CNTN4: variants seen among roughly 807,000 people sequenced by gnomAD.
CNTN4 encodes the protein contactin 4, also known as contactin-4.
In CNTN4, 77 loss-of-function variants were observed where a neutral mutation model predicts 122.5. The observed-to-expected ratio is 0.63, with a 90% CI of 0.52 to 0.76. CNTN4 has a LOEUF of 0.76. Ranked by LOEUF, CNTN4 falls within the 30% of genes least tolerant of loss-of-function variation. The pLI is 0.00. For synonymous variants in CNTN4, 512 were observed against 447.0 expected (o/e 1.15, Z -1.83); for missense variants, 1,256 against 1,259.1 (o/e 1.00, Z 0.04).
chr3:2,679,144 CCTAT>C (rs1188239919), intron 4 of CNTN4, among the ~76,000 whole-genome samples: 3 of 152,052 alleles, frequency 2.0e-5, no homozygotes, highest in Admixed American at 2.0e-4. Context: ...CTTTTTCCTG[CCTAT>C]CTGTCAAATG....
chr3:2,135,056 CAGT>C (rs1432988249), intron 2 of CNTN4, among the ~76,000 whole-genome samples: 1 of 152,104 alleles, frequency 6.6e-6, no homozygotes, highest in East Asian at 1.9e-4. Context: ...CCCAAAATGT[CAGT>C]AGTATCAAGG....
At chr3:2,233,407 G>T (rs1215382852) in intron 2 of CNTN4, among the ~76,000 whole-genome samples, 2 of 152,038 alleles carry the variant, frequency 1.3e-5, no homozygotes, top group Admixed American at 1.3e-4. Context: ...GCCTGTTTTT[G>T]TTTTTCGCAG....
chr3:2,209,394 A>G, intron 2 of CNTN4, among the ~76,000 whole-genome samples: 1 of 152,212 alleles, frequency 6.6e-6, no homozygotes, highest in East Asian at 1.9e-4. Context: ...CTGATCAAGT[A>G]GCTATCCTCT....
intron 2 of CNTN4, among the ~76,000 whole-genome samples, chr3:2,268,023 G>T (rs2041125029): frequency 6.6e-6 from 1 of 152,070 alleles, no homozygotes; most frequent in Non-Finnish European, 1.5e-5. Flanking sequence ...AATTGATCAT[G>T]GAATGGATGT....
At chr3:2,929,447 TACA>T (rs2094500766) in intron 13 of CNTN4, among the ~76,000 whole-genome samples, 3 of 152,188 alleles carry the variant, frequency 2.0e-5, no homozygotes, top group Non-Finnish European at 4.4e-5. Context: ...TAAGGAGCTA[TACA>T]ACAATTGTAT....
intron 5 of CNTN4, among the ~76,000 whole-genome samples, 164 bp downstream of exon 5, chr3:2,736,505 C>G (rs1446185387): frequency 6.6e-6 from 1 of 150,698 alleles, no homozygotes; most frequent in Non-Finnish European, 1.5e-5. Context: ...CTCTTGTTGC[C>G]CAGGCTGGAG....
rs113621716 is a variant in CNTN4 at position 2,860,426 on chromosome 3, G to A, written c.455-6326G>A. Among the ~76,000 whole-genome samples the A allele has an allele frequency of 1.3e-3, 200 of 152,250 alleles. 1 individual carries two copies. The highest frequency in any genetic ancestry group is 4.7e-3 in the African/African-American group (196 of 41,550). ...AAAATGAAAGCAGTGTCTGAACCCT[G>A]GATGGTCCTGCTCATTGCTTGGGAC... is the stretch of plus-strand genomic sequence containing the variant. On this transcript the variant is annotated intron_variant, in intron 7 of 24. Coordinates refer to ENST00000418658, the MANE Select transcript of CNTN4 (RefSeq NM_175607.3).
intron 12 of CNTN4, among the ~76,000 whole-genome samples, chr3:2,905,604 A>C (rs1480034500): frequency 6.6e-6 from 1 of 152,250 alleles, no homozygotes; most frequent in Non-Finnish European, 1.5e-5. Flanking sequence ...TTGGAGGGAC[A>C]CAAACATTCA....
chr3:2,375,794 A>C (rs1559498270), intron 3 of CNTN4, among the ~76,000 whole-genome samples: 1 of 152,130 alleles, frequency 6.6e-6, no homozygotes, highest in Non-Finnish European at 1.5e-5. Context: ...CATATGGTAA[A>C]AATCTAAGAA....
intron 13 of CNTN4, among the ~76,000 whole-genome samples, chr3:2,957,204 A>G (rs139934047): frequency 6.6e-6 from 1 of 152,226 alleles, no homozygotes; most frequent in Non-Finnish European, 1.5e-5. Flanking sequence ...TTTTTTTTTG[A>G]ACAACCGTAC....
intron 4 of CNTN4, among the ~76,000 whole-genome samples, chr3:2,688,483 A>G (rs1364521408): frequency 6.6e-6 from 1 of 152,238 alleles, no homozygotes; most frequent in Non-Finnish European, 1.5e-5. Context: ...ATACACACAA[A>G]CAGAAGTGTA....
At chr3:2,737,188 C>G (rs1477882787) in intron 5 of CNTN4, among the ~76,000 whole-genome samples, 3 of 152,120 alleles carry the variant, frequency 2.0e-5, no homozygotes, top group East Asian at 1.9e-4. Context: ...TAAAGGGACT[C>G]TGGCACCTCA....
chr3:2,840,283 A>G (rs904785444), intron 7 of CNTN4, among the ~76,000 whole-genome samples: 2 of 152,154 alleles, frequency 1.3e-5, no homozygotes, highest in African/African-American at 4.8e-5. Flanking sequence ...CCATAGAGAG[A>G]GAGAATTTTA....
chr3:2,436,043 T>A (rs79211484), intron 3 of CNTN4, among the ~76,000 whole-genome samples: 2,008 of 152,292 alleles, frequency 0.013, 39 homozygotes, highest in South Asian at 0.07. Context: ...TGAGTGAAGT[T>A]GAATTGAATT....
At chr3:2,394,921 A>G (rs2046586383) in intron 3 of CNTN4, among the ~76,000 whole-genome samples, 1 of 149,830 alleles carries the variant, frequency 6.7e-6, no homozygotes, top group Non-Finnish European at 1.5e-5. Flanking sequence ...CAAGTAGCTT[A>G]GGTTACAGAC....
intron 2 of CNTN4, among the ~76,000 whole-genome samples, chr3:2,217,041 C>T (rs1230748268): frequency 6.6e-6 from 1 of 152,174 alleles, no homozygotes; most frequent in East Asian, 1.9e-4. Flanking sequence ...TACTCTATCT[C>T]AGCTGTTGCT....
chr3:3,020,643 C>T (rs1698212835), intron 14 of CNTN4, among the ~76,000 whole-genome samples: 1 of 152,178 alleles, frequency 6.6e-6, no homozygotes, highest in Non-Finnish European at 1.5e-5. Flanking sequence ...GCCTATTTCC[C>T]TGTTGGAAAG....
At chr3:2,676,008 A>T (rs1018763953) in intron 4 of CNTN4, among the ~76,000 whole-genome samples, 1 of 152,214 alleles carries the variant, frequency 6.6e-6, no homozygotes, top group Non-Finnish European at 1.5e-5. Flanking sequence ...ATTTTAAAAT[A>T]ATATAATGAT....
chr3:2,927,320 GGC>G (rs2094482254), intron 13 of CNTN4: 5 of 455,974 alleles, frequency 1.1e-5, no homozygotes, highest in African/African-American at 8.0e-5. Flanking sequence ...GTTTGGTAGT[GGC>G]TCTGCTCCTC....
Sources: gnomAD v4.1 joint callset for allele counts (sites outside exome capture counted in the v4.1 genomes callset) on GRCh38, gnomAD v4.1.1 for gene constraint, MANE v1.5 for transcripts, NCBI Gene and HGNC (gene_info 2026-07-23, HGNC 2026-07-21) for gene names.